PCDHA6: variants seen among roughly 807,000 people sequenced by gnomAD.
PCDHA6 encodes protocadherin alpha 6, also known as protocadherin alpha-6.
Under a neutral mutation model 60.3 loss-of-function variants are expected in PCDHA6, and 55 were observed. The ratio of observed to expected loss-of-function variants is 0.91; its 90% CI spans 0.73 to 1.14. The LOEUF is 1.14. Among genes scored for constraint, PCDHA6 ranks in the 50% most tolerant of loss-of-function variants. The pLI, the probability that PCDHA6 is intolerant of heterozygous loss-of-function variation, is 0.00. For synonymous variants in PCDHA6, 652 were observed against 557.9 expected (o/e 1.17, Z -2.38); for missense variants, 1,327 against 1,256.5 (o/e 1.06, Z -0.85).
chr5:140,968,996 G>A, intron 1 of PCDHA6: 1 of 1,614,202 alleles, frequency 6.2e-7, no homozygotes, highest in Non-Finnish European at 8.5e-7. Flanking sequence ...ATGCTGTGGA[G>A]GCTTCTGTGG....
At chr5:140,856,629 T>C (rs782588371) in intron 1 of PCDHA6, 2 of 1,598,078 alleles carry the variant, frequency 1.3e-6, no homozygotes, top group African/African-American at 2.7e-5. Flanking sequence ...CCAGTGCTTG[T>C]TCTGCGGAAG....
intron 1 of PCDHA6, among the ~76,000 whole-genome samples, chr5:140,973,059 A>G (rs2096570291): frequency 6.6e-6 from 1 of 152,062 alleles, no homozygotes; most frequent in African/African-American, 2.4e-5. Context: ...TTTGTCCAAC[A>G]GTGTCTCAGT....
intron 1 of PCDHA6, among the ~76,000 whole-genome samples, chr5:140,879,549 A>T (rs1345193552): frequency 2.0e-5 from 3 of 152,246 alleles, no homozygotes; most frequent in Admixed American, 6.5e-5. Context: ...AGAGAAAAAA[A>T]TAATCCATGA....
rs180868237 is a variant in PCDHA6 at position 140,870,334 on chromosome 5, G to A, written c.2394+39849G>A. 21 of 1,614,166 alleles carry A rather than the reference G, an allele frequency of 1.3e-5. No individual in the cohort carries two copies. The Admixed American group carries it at 2.3e-4, about 18-fold the overall frequency. On this transcript the variant is annotated intron_variant, in intron 1 of 3. Transcript: ENST00000529310. ...TTACTACTCGTTGGTGCTGGACAGC[G>A]CCCTGGACCGCGAGAACGTGTGGGC...
At chr5:140,841,440 A>G in intron 1 of PCDHA6, 1 of 1,612,980 alleles carries the variant, frequency 6.2e-7, no homozygotes, top group Non-Finnish European at 8.5e-7. Flanking sequence ...GAGGAGGCCA[A>G]ACACGGCACC....
In PCDHA6 at chr5:140,828,192, C is replaced by G. The variant is rs1554131077; in HGVS notation, c.101C>G (p.Ser34Cys). 3 of 1,614,102 alleles carry G rather than the reference C, an allele frequency of 1.9e-6. No individual in the cohort carries two copies. Among genetic ancestry groups the G allele is most frequent in the Admixed American group, 3.3e-5 (2 of 60,032 alleles). Reference sequence around the variant, plus strand: ...GTGGGGAGCGGCCAGCTCCACTACTCCGTACCCGAGGAGGCCAAACACGGC... The same window carrying G: ...GTGGGGAGCGGCCAGCTCCACTACTGCGTACCCGAGGAGGCCAAACACGGC... ...WKVGSGQLHY[S>C]VPEEAKHGTF... The change falls in exon 1 of 4, where the codon TCC becomes TGC. Residue 34 changes from serine to cysteine, a missense_variant. Coordinates refer to ENST00000529310, the MANE Select transcript of PCDHA6 (RefSeq NM_018909.4).
chr5:140,862,813 T>C lies in PCDHA6; in HGVS notation c.2394+32328T>C. 2 of 571,594 alleles carry C rather than the reference T, an allele frequency of 3.5e-6. 1 individual carries two copies. Among genetic ancestry groups the C allele is most frequent in the Non-Finnish European group, 6.7e-6 (2 of 297,160 alleles). The allele number at this position is 571,594 out of a possible 1,614,324, so 35.4% of individuals were successfully genotyped here. On this transcript the variant is annotated intron_variant, in intron 1 of 3. Coordinates refer to ENST00000529310, the MANE Select transcript of PCDHA6 (RefSeq NM_018909.4). ...CGAGGAGCTGGAGCTGCTGCAGTTC[T>C]AGGTGAGAGCGCGCGACGCGGGCAT... is the stretch of plus-strand genomic sequence containing the variant.
intron 1 of PCDHA6, among the ~76,000 whole-genome samples, chr5:140,955,323 G>A (rs1213005534): frequency 6.6e-6 from 1 of 152,098 alleles, no homozygotes; most frequent in East Asian, 1.9e-4. Flanking sequence ...ACCTTGAATT[G>A]TAGTTCCCAT....
chr5:140,927,529 C>G, intron 1 of PCDHA6: 2 of 1,614,098 alleles, frequency 1.2e-6, no homozygotes, highest in South Asian at 1.1e-5. Flanking sequence ...GCTACCTGCC[C>G]GCTCAGGAGA....
At chr5:140,835,989 AGCGCGCGCGATGCG>A (rs2150249668) in intron 1 of PCDHA6, 4 of 1,613,288 alleles carry the variant, frequency 2.5e-6, no homozygotes. Context: ...GTTCCAGGTG[AGCGCGCGCGATGCG>A]GGCGTGCCGC....
intron 1 of PCDHA6, among the ~76,000 whole-genome samples, chr5:140,932,798 T>C (rs2153613163): frequency 6.6e-6 from 1 of 151,958 alleles, no homozygotes; most frequent in Middle Eastern, 3.4e-3. Flanking sequence ...AGAAAAGCAA[T>C]ACCTTGGAAA....
chr5:140,858,366 G>C, intron 1 of PCDHA6: 1 of 1,590,950 alleles, frequency 6.3e-7, no homozygotes, highest in Admixed American at 1.7e-5. Context: ...TTCAGCCCCA[G>C]CCTTCCACCA....
chr5:140,864,851 A>G (rs1554159167), intron 1 of PCDHA6: 1 of 152,190 alleles, frequency 6.6e-6, no homozygotes, highest in Non-Finnish European at 1.5e-5. Context: ...CTTCCCATAC[A>G]TGATGAAGGG....
intron 1 of PCDHA6, among the ~76,000 whole-genome samples, chr5:140,937,175 C>A: frequency 6.6e-6 from 1 of 151,650 alleles, no homozygotes; most frequent in Non-Finnish European, 1.5e-5. Context: ...GTAGCTGGGA[C>A]TACAGGCGCC....
At chr5:140,983,340 A>G (rs148799902) in intron 3 of PCDHA6, among the ~76,000 whole-genome samples, 114 of 152,358 alleles carry the variant, frequency 7.5e-4, no homozygotes, top group African/African-American at 2.2e-3. Flanking sequence ...TCACTAAAGC[A>G]GGGTCATGTA....
rs200097598 is a variant in PCDHA6 at position 140,842,988 on chromosome 5, T to C, written c.2394+12503T>C. On this transcript the variant is annotated intron_variant, in intron 1 of 3. Coordinates refer to ENST00000529310, the MANE Select transcript of PCDHA6 (RefSeq NM_018909.4). ...AACGTGACGCTGCAGGTGTTCGTGC[T>C]GGACGAGAATGACAACGCGCCGGCA... 2.2e-4 allele frequency: 358 copies of C among 1,595,006 alleles called. 36 individuals are homozygous for C. Among genetic ancestry groups the C allele is most frequent in the Non-Finnish European group, 2.9e-4 (341 of 1,165,496 alleles).
intron 1 of PCDHA6, among the ~76,000 whole-genome samples, chr5:140,952,331 T>G (rs1302386893): frequency 1.8e-5 from 2 of 112,488 alleles, no homozygotes; most frequent in African/African-American, 7.8e-5. Context: ...AGAGTGAAAC[T>G]CCATCTCAAA....
intron 1 of PCDHA6, chr5:140,876,257 T>A (rs781806447): frequency 6.2e-7 from 1 of 1,614,000 alleles, no homozygotes; most frequent in Non-Finnish European, 8.5e-7. Context: ...ACAAGAGTGA[T>A]CCAACTAAAT....
rs782361309 is a variant in PCDHA6 at position 140,857,289 on chromosome 5, G to T, written c.2394+26804G>T. 3 of 1,598,578 alleles carry T rather than the reference G, an allele frequency of 1.9e-6. 1 individual carries two copies. Among genetic ancestry groups the T allele is most frequent in the Middle Eastern group, 1.7e-4 (1 of 5,944 alleles). ...TTGGTGCTGGACAGCGCTCTGGACC[G>T]CGAGAGGGTGTCGGCCTATGAGCTG... is the stretch of plus-strand genomic sequence containing the variant. On this transcript the variant is annotated intron_variant, in intron 1 of 3. Transcript: ENST00000529310.
Sources: gnomAD v4.1 joint callset for allele counts (sites outside exome capture counted in the v4.1 genomes callset) on GRCh38, gnomAD v4.1.1 for gene constraint, MANE v1.5 for transcripts, NCBI Gene and HGNC (gene_info 2026-07-23, HGNC 2026-07-21) for gene names.